TBCEL: variants seen among roughly 807,000 people sequenced by gnomAD.
The protein encoded by TBCEL is tubulin folding cofactor E like, also known as tubulin-specific chaperone cofactor E-like protein.
TBCEL carries 15 observed loss-of-function variants against 44.2 expected under a neutral mutation model. The observed-to-expected ratio is 0.34, with a 90% CI of 0.23 to 0.52. TBCEL has a LOEUF of 0.52. Among genes scored for constraint, TBCEL ranks in the 20% least tolerant of loss-of-function variants. The probability of loss-of-function intolerance (pLI) is 0.95; values close to 1 mark genes in which losing one functional copy is unlikely to be tolerated. For missense variants in TBCEL, 319 were observed against 506.3 expected (o/e 0.63, Z 3.55); for synonymous variants, 171 against 185.4 (o/e 0.92, Z 0.63).
rs558395588 is a variant in TBCEL, at chr11:121,043,705, C to G, written c.-17-1969C>G. Among the ~76,000 whole-genome samples, 357 of 152,248 alleles carry G rather than the reference C, an allele frequency of 2.3e-3. 3 individuals are homozygous for G. Among genetic ancestry groups the G allele is most frequent in the African/African-American group, 6.7e-3 (279 of 41,548 alleles). ...TCATCCCATCTTCCTTCTCCACTCC[C>G]AGCAAAACTTCTCAAAATATTGGCT... On this transcript the variant is annotated intron_variant, in intron 2 of 8. Transcript: ENST00000683345.
At chr11:121,051,568 T>G (rs1945529786) in intron 4 of TBCEL, among the ~76,000 whole-genome samples, 1 of 151,766 alleles carries the variant, frequency 6.6e-6, no homozygotes, top group Non-Finnish European at 1.5e-5. Context: ...ATGAACTATT[T>G]AGCTGTGTTT....
intron 4 of TBCEL, 143 bp downstream of exon 4, chr11:121,047,810 A>G: frequency 9.7e-7 from 1 of 1,029,856 alleles, no homozygotes; most frequent in Non-Finnish European, 1.4e-6. Context: ...TATTGTCTGT[A>G]TGTCTTTATA....
chr11:121,031,662 C>CTTTTTTTTT (rs1159376351), intron 1 of TBCEL, among the ~76,000 whole-genome samples: 3 of 101,862 alleles, frequency 2.9e-5, no homozygotes, highest in Non-Finnish European at 6.0e-5. Context: ...TTTTTTCTTT[C>CTTTTTTTTT]TTTTTTTTTT....
rs538622005 is a variant in TBCEL, at chr11:121,088,488, T to C, written c.*1392T>C. 2.0e-5 allele frequency: 3 copies of C among 152,326 alleles called. No individual in the cohort carries two copies. The highest frequency in any genetic ancestry group is 7.2e-5 in the African/African-American group (3 of 41,582). 9.4% of individuals were successfully genotyped at this position (152,326 alleles called of 1,614,324 possible). On this transcript the variant is annotated 3_prime_UTR_variant, in exon 9 of 9. Transcript: ENST00000683345. ...AGATGTAATCCCTTTCTTTAATGTG[T>C]ATTTTTCTTGGTCCACCATGTTTAC...
In TBCEL at chr11:121,053,638, T is replaced by C; in HGVS notation, c.361T>C (p.Cys121Arg). The change falls in exon 5 of 9, where the codon TGT becomes CGT. Residue 121 changes from cysteine to arginine, a missense_variant. Physicochemically the swap from Cys to Arg is radical, Grantham distance 180 (BLOSUM62 -3). Transcript: ENST00000683345. ...PLNLSVLERT[C>R]AGSFSGVRKL... The stretch of plus-strand genomic sequence containing the variant: ...GAATTTGTCGGTTTTAGAAAGAACA[T>C]GTGCTGGGTCCTTCTCTGGGGTTCG... 1.2e-6 allele frequency: 2 copies of C among 1,612,550 alleles called. No homozygotes were observed. The highest frequency in any genetic ancestry group is 1.7e-6 in the Non-Finnish European group (2 of 1,179,042).
At chr11:121,035,795 A>G (rs936457473) in intron 1 of TBCEL, 4 of 152,200 alleles carry the variant, frequency 2.6e-5, no homozygotes, top group Non-Finnish European at 4.4e-5. Context: ...AAGAAAAAGA[A>G]TCTTGCTTTT....
intron 8 of TBCEL, among the ~76,000 whole-genome samples, chr11:121,085,465 G>A (rs1341059108): frequency 6.6e-6 from 1 of 152,114 alleles, no homozygotes; most frequent in East Asian, 1.9e-4. Flanking sequence ...TCTTATGACT[G>A]TCTTATACAG....
Position 121,075,010 on chromosome 11 carries a change from A to G in TBCEL, c.957-11768A>G, listed in dbSNP as rs1946007039. Among the ~76,000 whole-genome samples the G allele has an allele frequency of 2.0e-5, 3 of 151,964 alleles. No homozygotes were observed. In the South Asian group the frequency reaches 6.2e-4, roughly 31 times the overall value. On this transcript the variant is annotated intron_variant, in intron 8 of 8. Transcript: ENST00000683345. ...TGGATATTGTCCAGTGATCTTACTG[A>G]GACTTCTCAAACTAAAACATACACA...
At chr11:121,045,175 A>G (rs1329836781) in intron 2 of TBCEL, among the ~76,000 whole-genome samples, 1 of 152,134 alleles carries the variant, frequency 6.6e-6, no homozygotes, top group Admixed American at 6.6e-5. Flanking sequence ...TTTCTAGCCC[A>G]TGAGCTAGAA....
At chr11:121,047,775 A>G in intron 4 of TBCEL, 108 bp downstream of exon 4, 1 of 1,357,614 alleles carries the variant, frequency 7.4e-7, no homozygotes, top group Non-Finnish European at 1.0e-6. Context: ...TGATGTCTGT[A>G]TGACTTCTTG....
At chr11:121,072,500 A>G (rs1208481799) in intron 8 of TBCEL, among the ~76,000 whole-genome samples, 1 of 152,110 alleles carries the variant, frequency 6.6e-6, no homozygotes, top group Non-Finnish European at 1.5e-5. Context: ...GCTTTTTTCT[A>G]CTACTCTCAG....
chr11:121,055,454 A>G (rs1945602527), intron 6 of TBCEL, 146 bp downstream of exon 6: 1 of 761,868 alleles, frequency 1.3e-6, no homozygotes, highest in East Asian at 3.0e-5. Context: ...ATGATTGGCT[A>G]AATTTAAGAG....
intron 4 of TBCEL, among the ~76,000 whole-genome samples, chr11:121,049,543 A>T (rs993490975): frequency 6.6e-6 from 1 of 151,856 alleles, no homozygotes; most frequent in Admixed American, 6.6e-5. Flanking sequence ...ATTCTAAAAA[A>T]TAATTTCTAT....
intron 8 of TBCEL, among the ~76,000 whole-genome samples, chr11:121,062,895 C>T (rs1945750336): frequency 6.6e-6 from 1 of 152,136 alleles, no homozygotes; most frequent in Non-Finnish European, 1.5e-5. Context: ...TGGACACTTG[C>T]AGCTGCATCA....
chr11:121,040,168 T>C (rs1945306361), intron 2 of TBCEL, among the ~76,000 whole-genome samples: 1 of 152,178 alleles, frequency 6.6e-6, no homozygotes, highest in Non-Finnish European at 1.5e-5. Flanking sequence ...CTCTCTTTCC[T>C]TTTTTAATCT....
chr11:121,039,543 T>C (rs530000218), intron 2 of TBCEL, among the ~76,000 whole-genome samples: 2 of 152,292 alleles, frequency 1.3e-5, no homozygotes, highest in Admixed American at 1.3e-4. Flanking sequence ...TAAATGAAAC[T>C]AAGCTCTATG....
At chr11:121,080,191 GTTTGT>G (rs1008168775) in intron 8 of TBCEL, among the ~76,000 whole-genome samples, 3 of 152,066 alleles carry the variant, frequency 2.0e-5, no homozygotes, top group African/African-American at 7.2e-5. Flanking sequence ...TTCATGTTTT[GTTTGT>G]TACATTTCTT....
chr11:121,024,115 T>G lies in TBCEL; in HGVS notation c.-302T>G, dbSNP rs1444034649. 1 of 153,120 alleles carries G rather than the reference T, an allele frequency of 6.5e-6. No homozygotes were observed. The highest frequency in any genetic ancestry group is 1.9e-4 in the East Asian group (1 of 5,194). 9.5% of individuals were successfully genotyped at this position (153,120 alleles called of 1,614,324 possible). On this transcript the variant is annotated 5_prime_UTR_variant, in exon 1 of 9. It removes an upstream start codon present in the reference 5' UTR. Coordinates refer to ENST00000683345, the MANE Select transcript of TBCEL (RefSeq NM_001363644.2). Reference sequence around the variant, plus strand: ...GCCGGGAAAGCTGCTTCCGGGTCAATGCAGGACACTGGGCTCCGGCGGCCA... The same window carrying G: ...GCCGGGAAAGCTGCTTCCGGGTCAAGGCAGGACACTGGGCTCCGGCGGCCA...
At chr11:121,082,849 C>G (rs982956575) in intron 8 of TBCEL, among the ~76,000 whole-genome samples, 8 of 152,204 alleles carry the variant, frequency 5.3e-5, no homozygotes, top group African/African-American at 1.7e-4. Context: ...GGAAAATCAG[C>G]AAGCTGCTGT....
Sources: allele counts gnomAD v4.1 joint callset (sites outside exome capture counted in the v4.1 genomes callset), GRCh38; gene constraint gnomAD v4.1.1; transcripts MANE v1.5; gene names NCBI Gene and HGNC (gene_info 2026-07-23, HGNC 2026-07-21).